Variants in CAT observed in about 807,000 individuals in gnomAD.
The protein encoded by CAT is catalase, also known as epididymis secretory sperm binding protein.
A neutral mutation model predicts 59.0 loss-of-function variants in CAT; 43 were observed. That is an observed-to-expected ratio of 0.73 (90% CI 0.57 to 0.94). The LOEUF (loss-of-function observed/expected upper bound fraction) is 0.94. Among genes scored for constraint, CAT ranks in the 40% least tolerant of loss-of-function variants. The pLI, the probability that CAT is intolerant of heterozygous loss-of-function variation, is 0.00. For synonymous variants in CAT, 218 were observed against 230.9 expected, an observed-to-expected ratio of 0.94 and a Z score of 0.51; for missense variants, 664 against 682.9, an observed-to-expected ratio of 0.97 and a Z score of 0.31.
In CAT at chr11:34,464,160, T is replaced by C. The variant is rs200089024; in HGVS notation, c.1251T>C (p.Ser417=). 1.8e-5 allele frequency: 29 copies of C among 1,614,172 alleles called. No individual in the cohort carries two copies. In the Admixed American group the frequency reaches 4.3e-4, roughly 24 times the overall value. Residue 417 remains serine, a synonymous_variant, in exon 10 of 13, where the codon TCT becomes TCC. Coordinates refer to ENST00000241052, the MANE Select transcript of CAT (RefSeq NM_001752.4). ...TTGGTGCTCCGGAACAACAGCCTTC[T>C]GCCCTGGAGCACAGCATCCAATATT... ...NSFGAPEQQP[S]ALEHSIQYSG...
chr11:34,451,348 T>G, intron 3 of CAT, among the ~76,000 whole-genome samples: 1 of 152,222 alleles, frequency 6.6e-6, no homozygotes, highest in African/African-American at 2.4e-5. Flanking sequence ...GGAAAGAGCT[T>G]TCCTAAAAGT....
In CAT at chr11:34,471,512, G is replaced by A. The variant is rs141451783; in HGVS notation, c.*79G>A. 5 of 1,198,936 alleles carry A rather than the reference G, an allele frequency of 4.2e-6. No individual in the cohort carries two copies. Among genetic ancestry groups the A allele is most frequent in the African/African-American group, 1.5e-5 (1 of 66,990 alleles). The allele number at this position is 1,198,936 out of a possible 1,614,324, so 74.3% of individuals were successfully genotyped here. ...CTCATCACTGGATGAAGATTCTCCTGTGCTAGATGTGCAAATGCAAGCTAG... is the reference window on the plus strand; with the variant it reads ...CTCATCACTGGATGAAGATTCTCCTATGCTAGATGTGCAAATGCAAGCTAG... On this transcript the variant is annotated 3_prime_UTR_variant, in exon 13 of 13. Coordinates refer to ENST00000241052, the MANE Select transcript of CAT (RefSeq NM_001752.4).
Position 34,449,216 on chromosome 11 carries a change from G to A in CAT, c.91G>A (p.Ala31Thr). Residue 31 changes from alanine to threonine, a missense_variant, in exon 2 of 13, where the codon GCT becomes ACT. By Grantham distance (58) the Ala-to-Thr change is moderately conservative (BLOSUM62 0). Transcript: ENST00000241052. ...GAAAGCTGATGTCCTGACCACTGGA[G>A]CTGGTAACCCAGTAGGAGACAAACT... ...AQKADVLTTG[A>T]GNPVGDKLNV... is the part of the protein sequence containing the mutation. 6.2e-7 allele frequency: 1 copy of A among 1,614,156 alleles called. No individual in the cohort carries two copies. The highest frequency in any genetic ancestry group is 1.1e-5 in the South Asian group (1 of 91,084).
chr11:34,460,165 G>A (rs887564926), intron 8 of CAT, among the ~76,000 whole-genome samples: 1 of 152,178 alleles, frequency 6.6e-6, no homozygotes, highest in African/African-American at 2.4e-5. Flanking sequence ...TAGAAAAGGA[G>A]TATGAATAAT....
intron 2 of CAT, among the ~76,000 whole-genome samples, chr11:34,449,969 A>T (rs1290452864): frequency 2.0e-5 from 3 of 152,136 alleles, no homozygotes; most frequent in Non-Finnish European, 2.9e-5. Flanking sequence ...TGCAGGGTGG[A>T]CTCACACTGG....
chr11:34,444,910 A>G (rs2133177986), intron 1 of CAT, among the ~76,000 whole-genome samples: 1 of 152,346 alleles, frequency 6.6e-6, no homozygotes, highest in Non-Finnish European at 1.5e-5. Context: ...AGCCAAGCTA[A>G]TTTCTGTGGC....
At chr11:34,456,607 T>C in intron 7 of CAT, 58 bp from the exon 8 acceptor site, 2 of 1,511,440 alleles carry the variant, frequency 1.3e-6, no homozygotes, top group South Asian at 1.1e-5. Flanking sequence ...TTTTTGTGGG[T>C]AGCTTTGATT....
intron 2 of CAT, among the ~76,000 whole-genome samples, chr11:34,450,224 A>G (rs1024693640): frequency 3.9e-5 from 6 of 152,260 alleles, no homozygotes; most frequent in African/African-American, 9.6e-5. Context: ...TGCAATTGCA[A>G]CTAAGTTTAA....
intron 1 of CAT, among the ~76,000 whole-genome samples, chr11:34,444,838 G>T (rs1182219345): frequency 3.3e-5 from 5 of 152,128 alleles, no homozygotes; most frequent in African/African-American, 4.8e-5. Context: ...GCCTATAAAG[G>T]CAGCAAAGTC....
At chr11:34,470,520 C>G (rs1564968171) in intron 11 of CAT, among the ~76,000 whole-genome samples, 1 of 152,192 alleles carries the variant, frequency 6.6e-6, no homozygotes, top group Non-Finnish European at 1.5e-5. Flanking sequence ...AAGTTCTAAC[C>G]TTCTGATCGC....
intron 4 of CAT, 58 bp from the exon 5 acceptor site, chr11:34,453,032 A>G (rs1856546053): frequency 1.0e-6 from 1 of 986,632 alleles, no homozygotes; most frequent in Non-Finnish European, 1.6e-6. Context: ...ATAATGAAAG[A>G]CACCATAATT....
At chr11:34,441,115 G>A (rs774309332) in intron 1 of CAT, among the ~76,000 whole-genome samples, 5 of 152,100 alleles carry the variant, frequency 3.3e-5, no homozygotes, top group Non-Finnish European at 5.9e-5. Flanking sequence ...AGTTTTAGCT[G>A]CTCTTAGTAA....
intron 1 of CAT, 146 bp downstream of exon 1, chr11:34,439,225 C>A: frequency 2.6e-6 from 2 of 765,178 alleles, no homozygotes; most frequent in Non-Finnish European, 4.5e-6. Context: ...TCGGTGCAGA[C>A]GGACTTTTAC....
chr11:34,466,780 CAAAAAAAAAAAA>C (rs71457350), intron 10 of CAT, among the ~76,000 whole-genome samples: 10 of 41,142 alleles, frequency 2.4e-4, no homozygotes, highest in African/African-American at 5.0e-4. Context: ...GACTCCGTCT[CAAAAAAAAAAAA>C]AAAAAAAAAA....
intron 10 of CAT, among the ~76,000 whole-genome samples, chr11:34,464,754 A>G (rs1224762267): frequency 2.0e-5 from 3 of 151,702 alleles, no homozygotes; most frequent in Middle Eastern, 3.4e-3. Flanking sequence ...GTTTTCTCCT[A>G]TCTGCGTCAG....
At position 34,464,252 on chromosome 11, in the gene CAT, A is replaced by G. The variant is rs1856687944; in HGVS notation, c.1326+17A>G. On this transcript the variant is annotated intron_variant, in intron 10 of 12. Coordinates refer to ENST00000241052, the MANE Select transcript of CAT (RefSeq NM_001752.4). ...GTTACTCAGGTAATGACTTCTCTTT[A>G]TCTGCTATGGAAGTCACCTGCTAAT... 3.1e-6 allele frequency: 5 copies of G among 1,612,618 alleles called. No homozygotes were observed. The highest frequency in any genetic ancestry group is 4.2e-6 in the Non-Finnish European group (5 of 1,178,774).
intron 3 of CAT, among the ~76,000 whole-genome samples, chr11:34,451,728 A>G (rs180792247): frequency 1.2e-4 from 19 of 152,234 alleles, no homozygotes; most frequent in African/African-American, 3.9e-4. Flanking sequence ...CATTTTGACA[A>G]CTCACTTATT....
At chr11:34,461,425 C>T in intron 9 of CAT, 36 bp downstream of exon 9, 1 of 1,613,136 alleles carries the variant, frequency 6.2e-7, no homozygotes, top group South Asian at 1.1e-5. Context: ...CCTGCGTGGG[C>T]AGAGGGCACG....
intron 5 of CAT, 97 bp from the exon 6 acceptor site, chr11:34,453,704 C>T: frequency 8.7e-7 from 1 of 1,149,286 alleles, no homozygotes; most frequent in Admixed American, 1.8e-5. Context: ...TGTTTTATGT[C>T]ATTAAGGGAC....
Sources: allele counts gnomAD v4.1 joint callset (sites outside exome capture counted in the v4.1 genomes callset), GRCh38; gene constraint gnomAD v4.1.1; transcripts MANE v1.5; gene names NCBI Gene and HGNC (gene_info 2026-07-23, HGNC 2026-07-21).